Variants in RIT2 observed in about 807,000 individuals in gnomAD.
The protein encoded by RIT2 is GTP-binding protein Rit2.
RIT2 carries 24 observed loss-of-function variants against 23.7 expected under a neutral mutation model. The observed-to-expected ratio is 1.01, with a 90% CI of 0.73 to 1.43. The LOEUF (loss-of-function observed/expected upper bound fraction) is 1.43, where lower values mean the gene tolerates loss of function less well. Among genes scored for constraint, RIT2 ranks in the 40% most tolerant of loss-of-function variants. RIT2 has a pLI of 0.00. For synonymous variants in RIT2, 107 were observed against 91.1 expected (o/e 1.17, Z -0.99); for missense variants, 236 against 266.9 (o/e 0.88, Z 0.81).
chr18:43,027,781 A>T (rs1468685879), intron 2 of RIT2, among the ~76,000 whole-genome samples: 11 of 152,120 alleles, frequency 7.2e-5, no homozygotes, highest in Admixed American at 6.6e-4. Flanking sequence ...CTTCACGGTT[A>T]TACTCAGCTG....
intron 4 of RIT2, among the ~76,000 whole-genome samples, chr18:42,831,119 G>A (rs1906445164): frequency 6.6e-6 from 1 of 152,102 alleles, no homozygotes; most frequent in African/African-American, 2.4e-5. Context: ...ATTCCACCCT[G>A]GGACTAACTA....
chr18:42,845,355 T>A (rs556377052), intron 4 of RIT2, among the ~76,000 whole-genome samples: 6 of 151,408 alleles, frequency 4.0e-5, no homozygotes, highest in Non-Finnish European at 7.4e-5. Context: ...AGTCCAAATA[T>A]ATAGATTTGA....
intron 4 of RIT2, among the ~76,000 whole-genome samples, chr18:42,802,638 G>A (rs1285007397): frequency 6.6e-6 from 1 of 152,062 alleles, no homozygotes; most frequent in Non-Finnish European, 1.5e-5. Flanking sequence ...CAATTCCTGG[G>A]ACTTGGGACA....
intron 1 of RIT2, among the ~76,000 whole-genome samples, chr18:43,072,666 G>A (rs1912925156): frequency 1.3e-5 from 2 of 152,138 alleles, no homozygotes; most frequent in South Asian, 4.1e-4. Context: ...CCCCCATGCA[G>A]ATTTCTTCCA....
intron 2 of RIT2, among the ~76,000 whole-genome samples, chr18:42,996,045 C>G (rs1011875028): frequency 6.6e-6 from 1 of 152,200 alleles, no homozygotes; most frequent in Non-Finnish European, 1.5e-5. Flanking sequence ...CTTAGGCACT[C>G]TCTAATTGGA....
intron 4 of RIT2, among the ~76,000 whole-genome samples, chr18:42,794,842 T>G (rs1914120373): frequency 6.6e-6 from 1 of 152,196 alleles, no homozygotes; most frequent in South Asian, 2.1e-4. Context: ...TCTTTTAGCC[T>G]GATGAGAAAT....
At chr18:42,967,536 ATTTTTT>A (rs397940927) in intron 3 of RIT2, among the ~76,000 whole-genome samples, 36 of 80,756 alleles carry the variant, frequency 4.5e-4, no homozygotes, top group African/African-American at 9.5e-4. Flanking sequence ...CGCCCGGCTA[ATTTTTT>A]TTTTTTTTTT....
intron 4 of RIT2, among the ~76,000 whole-genome samples, chr18:42,857,999 G>A (rs572665322): frequency 7.2e-5 from 11 of 152,264 alleles, no homozygotes; most frequent in Non-Finnish European, 1.6e-4. Context: ...TGGTCACCAT[G>A]GCGAAACCCT....
intron 4 of RIT2, among the ~76,000 whole-genome samples, chr18:42,800,971 C>T (rs1161642922): frequency 6.6e-6 from 1 of 152,032 alleles, no homozygotes; most frequent in Non-Finnish European, 1.5e-5. Context: ...GTAGTTTTGT[C>T]TTCTCCCGTA....
At chr18:42,998,560 A>T (rs938843793) in intron 2 of RIT2, among the ~76,000 whole-genome samples, 53 of 152,076 alleles carry the variant, frequency 3.5e-4, no homozygotes, top group African/African-American at 1.2e-3. Context: ...ATTTTTTTTT[A>T]AAAAGATCCC....
intron 4 of RIT2, among the ~76,000 whole-genome samples, chr18:42,877,990 G>A (rs1161786001): frequency 6.6e-6 from 1 of 151,734 alleles, no homozygotes; most frequent in Non-Finnish European, 1.5e-5. Flanking sequence ...TATTATGTAT[G>A]TGCAAATTTT....
chr18:42,819,333 C>A lies in RIT2; in HGVS notation c.427-75613G>T, dbSNP rs192198648. Among the ~76,000 whole-genome samples, 66 of 152,120 alleles carry A rather than the reference C, an allele frequency of 4.3e-4. No individual in the cohort carries two copies. The East Asian group carries it at 0.011, about 26-fold the overall frequency. Reference sequence around the variant, plus strand: ...ACTCTTAGTTCCATTTCATTAAAATCACCAGAGATTTGGAAAAACATGTAA... The same window carrying A: ...ACTCTTAGTTCCATTTCATTAAAATAACCAGAGATTTGGAAAAACATGTAA... On this transcript the variant is annotated intron_variant, in intron 4 of 4. Coordinates refer to ENST00000326695, the MANE Select transcript of RIT2 (RefSeq NM_002930.4).
At chr18:42,930,383 T>C (rs1319140196) in intron 3 of RIT2, among the ~76,000 whole-genome samples, 1 of 150,368 alleles carries the variant, frequency 6.7e-6, no homozygotes, top group African/African-American at 2.4e-5. Context: ...TAAAAAAAAA[T>C]GAAGAGAAAA....
intron 4 of RIT2, among the ~76,000 whole-genome samples, chr18:42,892,456 G>A (rs2144095617): frequency 6.6e-6 from 1 of 152,288 alleles, no homozygotes; most frequent in Non-Finnish European, 1.5e-5. Context: ...AGAATAGCTT[G>A]ATACTTCAGG....
intron 4 of RIT2, among the ~76,000 whole-genome samples, chr18:42,761,313 A>G (rs1913297114): frequency 6.6e-6 from 1 of 152,142 alleles, no homozygotes; most frequent in Non-Finnish European, 1.5e-5. Context: ...CACTTCAAGA[A>G]GTGTTTGTTG....
intron 4 of RIT2, among the ~76,000 whole-genome samples, chr18:42,837,318 C>A (rs573886985): frequency 6.6e-6 from 1 of 151,526 alleles, no homozygotes; most frequent in Non-Finnish European, 1.5e-5. Flanking sequence ...CAGGTGCCTG[C>A]CACCAAGCCT....
intron 2 of RIT2, among the ~76,000 whole-genome samples, chr18:43,022,855 C>T (rs1911628271): frequency 6.6e-6 from 1 of 152,048 alleles, no homozygotes; most frequent in Non-Finnish European, 1.5e-5. Context: ...TAGAACTCAA[C>T]AGCGATAAGA....
chr18:42,947,875 C>T (rs1909763336), intron 3 of RIT2, among the ~76,000 whole-genome samples: 1 of 152,002 alleles, frequency 6.6e-6, no homozygotes, highest in African/African-American at 2.4e-5. Context: ...GTTTCTTCCC[C>T]TAGAGAGTAG....
chr18:42,896,718 A>G (rs549850403), intron 4 of RIT2, among the ~76,000 whole-genome samples: 5 of 152,364 alleles, frequency 3.3e-5, no homozygotes, highest in Middle Eastern at 3.4e-3. Flanking sequence ...GATTTATCAG[A>G]AAGTATTCAG....
Sources: gnomAD v4.1 joint callset for allele counts (sites outside exome capture counted in the v4.1 genomes callset) on GRCh38, gnomAD v4.1.1 for gene constraint, MANE v1.5 for transcripts, NCBI Gene and HGNC (gene_info 2026-07-23, HGNC 2026-07-21) for gene names.